ZNF746: variants seen among roughly 807,000 people sequenced by gnomAD.
ZNF746 encodes the protein parkin-interacting substrate.
ZNF746 carries 13 observed loss-of-function variants against 41.0 expected under a neutral mutation model. The observed-to-expected ratio is 0.32, with a 90% confidence interval of 0.21 to 0.50. ZNF746 has a LOEUF of 0.50. ZNF746 is among the 20% of genes least tolerant of loss of function. The pLI is 0.98. For missense variants in ZNF746, 811 were observed against 922.9 expected, an observed-to-expected ratio of 0.88 and a Z score of 1.57; for synonymous variants, 424 against 396.2, an observed-to-expected ratio of 1.07 and a Z score of -0.83.
intron 4 of ZNF746, among the ~76,000 whole-genome samples, chr7:149,478,573 C>T (rs1800389184): frequency 1.3e-5 from 2 of 152,180 alleles, no homozygotes; most frequent in Admixed American, 1.3e-4. Flanking sequence ...AGATCTGCCT[C>T]AGAGGGGCAC....
In ZNF746 at chr7:149,497,435, C is replaced by G. The variant is rs1801045792; in HGVS notation, c.24+78G>C. ...CGGACCCCGGAACCCCTCCCCAGGG[C>G]CTGCGGCGCCGTGTGCCGGGGCCGG... On this transcript the variant is annotated intron_variant, in intron 1 of 6. Coordinates refer to ENST00000458143, the MANE Select transcript of ZNF746 (RefSeq NM_001394198.1). The surrounding 1 kb of genome is among the most constrained non-coding windows in gnomAD (Gnocchi z 4.2). The G allele has an allele frequency of 9.5e-7, 1 of 1,048,056 alleles. No individual in the cohort carries two copies. Among genetic ancestry groups the G allele is most frequent in the African/African-American group, 1.7e-5 (1 of 58,526 alleles). 64.9% of individuals were successfully genotyped at this position (1,048,056 alleles called of 1,614,324 possible). A position where few individuals can be genotyped will look rare whatever the true frequency, so the allele number is the denominator to read the frequency against.
chr7:149,477,505 C>T (rs2116643071), intron 5 of ZNF746, 59 bp downstream of exon 5: 6 of 1,534,654 alleles, frequency 3.9e-6, no homozygotes, highest in Non-Finnish European at 5.3e-6. Flanking sequence ...ACGAGCCCTC[C>T]CCTGTCCCTC....
chr7:149,477,313 G>C lies in ZNF746; in HGVS notation c.757+251C>G, dbSNP rs1421819134. Reference sequence around the variant, plus strand: ...TTCAATGCCCAATGCTGGGGCAAGAGAAGCGGCCTCACGGTGATATAGGGG... The same window carrying C: ...TTCAATGCCCAATGCTGGGGCAAGACAAGCGGCCTCACGGTGATATAGGGG... On this transcript the variant is annotated intron_variant, in intron 5 of 6. Coordinates refer to ENST00000458143, the MANE Select transcript of ZNF746 (RefSeq NM_001394198.1). Among the ~76,000 whole-genome samples the C allele has an allele frequency of 2.0e-5, 3 of 152,180 alleles. No homozygotes were observed. The East Asian group carries it at 5.8e-4, about 29-fold the overall frequency.
At chr7:149,496,385 AG>A (rs1216025088) in intron 1 of ZNF746, among the ~76,000 whole-genome samples, 46 of 152,266 alleles carry the variant, frequency 3.0e-4, no homozygotes, top group South Asian at 1.7e-3. Flanking sequence ...GACTCCTGCC[AG>A]GGGAGCTGAA....
chr7:149,496,852 G>C (rs1436798950), intron 1 of ZNF746: 1 of 985,258 alleles, frequency 1.0e-6, no homozygotes, highest in African/African-American at 1.7e-5. Context: ...TGCCTGCCTG[G>C]TCCTTGAACA....
chr7:149,480,136 G>C (rs904275744), intron 4 of ZNF746, among the ~76,000 whole-genome samples: 3 of 152,076 alleles, frequency 2.0e-5, no homozygotes, highest in Non-Finnish European at 4.4e-5. Context: ...ACATTCTCAG[G>C]AGGAAAGCAT....
chr7:149,482,198 T>C (rs1055600886), intron 4 of ZNF746, among the ~76,000 whole-genome samples: 3 of 152,218 alleles, frequency 2.0e-5, no homozygotes, highest in African/African-American at 4.8e-5. Flanking sequence ...TGGCTACTGT[T>C]TGGATATTTA....
In ZNF746 at chr7:149,475,045, C is replaced by T; in HGVS notation, c.1322G>A (p.Cys441Tyr). Reference protein sequence around the residue: ...SQAPRPFNEPCKYPGRTKGFG... With the variant: ...SQAPRPFNEPYKYPGRTKGFG... ...GCCTTTGGTCCGGCCAGGGTATTTA[C>T]AGGGTTCGTTGAATGGCCTTGGGGC... Residue 441 changes from cysteine (C) to tyrosine (Y), a missense_variant, in exon 7 of 7, where the codon TGT becomes TAT. This residue lies in a region of ZNF746 where 495 missense variants were observed against 481.6 expected (regional missense o/e 1.03). Coordinates refer to ENST00000458143, the MANE Select transcript of ZNF746 (RefSeq NM_001394198.1). 6.4e-7 allele frequency: 1 copy of T among 1,572,664 alleles called. No individual in the cohort carries two copies. The highest frequency in any genetic ancestry group is 8.6e-7 in the Non-Finnish European group (1 of 1,159,424).
At position 149,497,235 on chromosome 7, in the gene ZNF746, G is replaced by A; in HGVS notation, c.24+278C>T. 1 of 983,242 alleles carries A rather than the reference G, an allele frequency of 1.0e-6. No individual in the cohort carries two copies. Among genetic ancestry groups the A allele is most frequent in the Non-Finnish European group, 1.2e-6 (1 of 827,948 alleles). The allele number at this position is 983,242 out of a possible 1,614,324, so 60.9% of individuals were successfully genotyped here. ...GAAGGAGGGGACAGCGGCTGGGGCG[G>A]GGGCAGGAAGCCCCGGAGGGCCCAA... is the stretch of plus-strand genomic sequence containing the variant. On this transcript the variant is annotated intron_variant, in intron 1 of 6. Transcript: ENST00000458143. This position sits in a 1 kb window ranked among gnomAD's most constrained non-coding sequence, Gnocchi z 4.2.
At position 149,494,239 on chromosome 7, in the gene ZNF746, G is replaced by T. The variant is rs756910425; in HGVS notation, c.289C>A (p.Arg97=). Residue 97 remains arginine (R), a synonymous_variant, in exon 2 of 7, where the codon CGG becomes AGG. Transcript: ENST00000458143. This position sits in a 1 kb window ranked among gnomAD's most constrained non-coding sequence, Gnocchi z 5.6. The stretch of plus-strand genomic sequence containing the variant: ...TCCCCCTTGCTGCCCGGGGGCAGCC[G>T]CAGGATCCAGAAGTTCCTGTTGCGC... The part of the protein sequence containing the change: ...LLRNRNFWIL[R]LPPGSKGESP... The T allele has an allele frequency of 1.2e-6, 2 of 1,614,112 alleles. No individual in the cohort carries two copies. The highest frequency in any genetic ancestry group is 1.7e-6 in the Non-Finnish European group (2 of 1,179,998).
At chr7:149,487,068 T>C (rs1280804505) in intron 4 of ZNF746, among the ~76,000 whole-genome samples, 1 of 152,162 alleles carries the variant, frequency 6.6e-6, no homozygotes, top group Non-Finnish European at 1.5e-5. Flanking sequence ...TCCTGCCAGA[T>C]CAGTGGTGGC....
intron 1 of ZNF746, among the ~76,000 whole-genome samples, chr7:149,495,459 G>A (rs775299388): frequency 5.3e-5 from 8 of 152,158 alleles, no homozygotes; most frequent in Non-Finnish European, 7.3e-5. Flanking sequence ...ATCAGTGACC[G>A]GCAGCTGGGA....
In ZNF746 at chr7:149,497,217, G is replaced by A. The variant is rs1371633771; in HGVS notation, c.24+296C>T. 9.1e-6 allele frequency: 9 copies of A among 984,098 alleles called. No homozygotes were observed. The highest frequency in any genetic ancestry group is 7.2e-6 in the Non-Finnish European group (6 of 828,840). The allele number at this position is 984,098 out of a possible 1,614,324, so 61.0% of individuals were successfully genotyped here. ...CGGGTGGGGGGGCACCCAGAAGGAG[G>A]GGACAGCGGCTGGGGCGGGGGCAGG... On this transcript the variant is annotated intron_variant, in intron 1 of 6. Coordinates refer to ENST00000458143, the MANE Select transcript of ZNF746 (RefSeq NM_001394198.1). This position sits in a 1 kb window ranked among gnomAD's most constrained non-coding sequence, Gnocchi z 4.2.
rs1209786823 is a variant in ZNF746 at position 149,497,800 on chromosome 7, G to A, written c.-264C>T. On this transcript the variant is annotated 5_prime_UTR_variant, in exon 1 of 7. Transcript: ENST00000458143. This position sits in a 1 kb window ranked among gnomAD's most constrained non-coding sequence, Gnocchi z 4.2. The stretch of plus-strand genomic sequence containing the variant: ...GCCCGTGAGGCTTCCTGGAGGCAGC[G>A]CGGCCGCACAGCCCCACCTGCAGCC... The A allele has an allele frequency of 6.5e-6, 1 of 153,528 alleles. No individual in the cohort carries two copies. The highest frequency in any genetic ancestry group is 2.4e-5 in the African/African-American group (1 of 41,074). 9.5% of individuals were successfully genotyped at this position (153,528 alleles called of 1,614,324 possible). A position where few individuals can be genotyped will look rare whatever the true frequency, so the allele number is the denominator to read the frequency against.
At chr7:149,486,618 T>C (rs374476065) in intron 4 of ZNF746, among the ~76,000 whole-genome samples, 12 of 152,176 alleles carry the variant, frequency 7.9e-5, no homozygotes, top group Non-Finnish European at 1.8e-4. Context: ...GAAGAACATA[T>C]GTGGTATGAT....
chr7:149,475,349 C>T lies in ZNF746; in HGVS notation c.1018G>A (p.Ala340Thr), dbSNP rs748411008. The T allele has an allele frequency of 2.5e-6, 4 of 1,614,088 alleles. No individual in the cohort carries two copies. The highest frequency in any genetic ancestry group is 1.7e-5 in the Admixed American group (1 of 60,024). The change falls in exon 7 of 7, where the codon GCC becomes ACC. Residue 340 changes from alanine (A) to threonine (T), a missense_variant. By Grantham distance (58) the Ala-to-Thr change is moderately conservative. Coordinates refer to ENST00000458143, the MANE Select transcript of ZNF746 (RefSeq NM_001394198.1). ...TGGCTTTCCCAGGCTCCTTCCTGGG[C>T]AGGACTAGGGAAGAACCGTGTGGCT... ...GQATRFFPSP[A>T]QEGAWESQGS...
Position 149,474,218 on chromosome 7 carries a change from G to C in ZNF746, c.*166C>G. 1.4e-6 allele frequency: 1 copy of C among 739,004 alleles called. No individual in the cohort carries two copies. Among genetic ancestry groups the C allele is most frequent in the South Asian group, 1.9e-5 (1 of 53,080 alleles). 45.8% of individuals were successfully genotyped at this position (739,004 alleles called of 1,614,324 possible). Reference sequence around the variant, plus strand: ...AATTCTACTTGGTTTAGAGGTGGCAGCTGTCCTGGTGGATAGTTTCTCTTT... The same window carrying C: ...AATTCTACTTGGTTTAGAGGTGGCACCTGTCCTGGTGGATAGTTTCTCTTT... On this transcript the variant is annotated 3_prime_UTR_variant, in exon 7 of 7. Coordinates refer to ENST00000458143, the MANE Select transcript of ZNF746 (RefSeq NM_001394198.1). This position sits in a 1 kb window ranked among gnomAD's most constrained non-coding sequence, Gnocchi z 6.3.
At position 149,475,098 on chromosome 7, in the gene ZNF746, G is replaced by A. The variant is rs138287512; in HGVS notation, c.1269C>T (p.Asn423=). ...GGCTGGGGTCCAAGATGGCCTCTCC[G>A]TTGTCCGGGGAGGAGTAAGGAAGCC... ...PEGLPYSSPD[N]GEAILDPSQA... The change falls in exon 7 of 7, where the codon AAC becomes AAT. Residue 423 remains asparagine (N), a synonymous_variant. Transcript: ENST00000458143. The A allele has an allele frequency of 3.3e-5, 53 of 1,606,994 alleles. No individual in the cohort carries two copies. In the African/African-American group the frequency reaches 4.8e-4, roughly 15 times the overall value.
chr7:149,476,580 T>C (rs1328132501), intron 6 of ZNF746, among the ~76,000 whole-genome samples: 1 of 152,186 alleles, frequency 6.6e-6, no homozygotes, highest in Non-Finnish European at 1.5e-5. Flanking sequence ...AGAAGTGGTT[T>C]CAGTTCAATT....
Sources: gnomAD v4.1 joint callset for allele counts (sites outside exome capture counted in the v4.1 genomes callset) on GRCh38, gnomAD v4.1.1 for gene constraint, gnomAD v4.1.1 regional missense constraint, Gnocchi (gnomAD v3.1) non-coding constraint, MANE v1.5 for transcripts, NCBI Gene and HGNC (gene_info 2026-07-23, HGNC 2026-07-21) for gene names.